The following PLXNA3 variants were observed in gnomAD, a reference collection of about 807,000 sequenced individuals.
PLXNA3 encodes plexin A3.
In PLXNA3, 52 loss-of-function variants were observed where a neutral mutation model predicts 118.8. That is an observed-to-expected ratio of 0.44 (90% CI 0.35 to 0.55). The LOEUF is 0.55. Ranked by LOEUF, PLXNA3 falls within the 20% of genes least tolerant of loss-of-function variation. PLXNA3 has a pLI of 0.01. For synonymous variants in PLXNA3, 925 were observed against 762.4 expected, an observed-to-expected ratio of 1.21 and a Z score of -3.51; for missense variants, 1,660 against 1,730.8, an observed-to-expected ratio of 0.96 and a Z score of 0.73.
rs369284415 is a variant in PLXNA3 at position 154,461,644 on chromosome X, C to T, written c.1134+6C>T. 6.8e-6 allele frequency: 8 copies of T among 1,172,424 alleles called. No homozygotes were observed. Among genetic ancestry groups the T allele is most frequent in the South Asian group, 1.9e-5 (1 of 52,941 alleles). Reference sequence around the variant, plus strand: ...AGCTGCCCTGCATCAACACCGTGAGCCCCTCATCACCCCACACTGGTCCTC... The same window carrying T: ...AGCTGCCCTGCATCAACACCGTGAGTCCCTCATCACCCCACACTGGTCCTC... On this transcript the variant is annotated splice_donor_region_variant and intron_variant, in intron 3 of 32. Transcript: ENST00000369682.
Position 154,465,027 on chromosome X carries a change from G to A in PLXNA3, c.2053G>A (p.Glu685Lys). 1 of 1,202,904 alleles carries A rather than the reference G, an allele frequency of 8.3e-7. No individual in the cohort carries two copies. Among genetic ancestry groups the A allele is most frequent in the Non-Finnish European group, 1.1e-6 (1 of 890,781 alleles). ...GGTGCTTTCCCCGCAGGGCTGCCCTGAGATCCTGCCCAGTGGGGACCTCCT... is the reference window on the plus strand; with the variant it reads ...GGTGCTTTCCCCGCAGGGCTGCCCTAAGATCCTGCCCAGTGGGGACCTCCT... ...GRVHSPEGCP[E>K]ILPSGDLLIP... The change falls in exon 11 of 33, where the codon GAG (glutamate) becomes AAG (lysine). Residue 685 changes from glutamate (E) to lysine (K), a missense_variant. Transcript: ENST00000369682.
intron 3 of PLXNA3, 140 bp downstream of exon 3, chrX:154,461,778 C>G: frequency 1.7e-6 from 1 of 593,999 alleles, no homozygotes; most frequent in Admixed American, 3.4e-5. Context: ...ACCTGTTTCT[C>G]CCTCCCAGGG....
chrX:154,470,935 A>G (rs1211024048), intron 30 of PLXNA3, 170 bp from the exon 31 acceptor site: 3 of 456,064 alleles, frequency 6.6e-6, no homozygotes, highest in Non-Finnish European at 1.1e-5. Context: ...CCTATTGAGA[A>G]CAGAAGTTCA....
Position 154,468,333 on chromosome X carries a change from C to T in PLXNA3, c.3994C>T (p.Leu1332Phe), listed in dbSNP as rs1440406968. 5.0e-6 allele frequency: 6 copies of T among 1,207,335 alleles called. No homozygotes were observed. In the Admixed American group the frequency reaches 1.3e-4, roughly 26 times the overall value. Residue 1332 changes from leucine to phenylalanine, a missense_variant, in exon 23 of 33, where the codon CTC becomes TTC. Coordinates refer to ENST00000369682, the MANE Select transcript of PLXNA3 (RefSeq NM_017514.5). Reference sequence around the variant, plus strand: ...ACCCAACGTGGAGAAGGCCCTGCGCCTCTTCGGGCAGCTGCTGCACAGCCG... The same window carrying T: ...ACCCAACGTGGAGAAGGCCCTGCGCTTCTTCGGGCAGCTGCTGCACAGCCG... ...TPPNVEKALRLFGQLLHSRAF... is the reference protein window; with the variant it reads ...TPPNVEKALRFFGQLLHSRAF...
chrX:154,465,783 C>G lies in PLXNA3; in HGVS notation c.2468C>G (p.Pro823Arg). 2 of 1,209,442 alleles carry G rather than the reference C, an allele frequency of 1.7e-6. No homozygotes were observed. The highest frequency in any genetic ancestry group is 3.5e-5 in the South Asian group (2 of 56,805). Reference sequence around the variant, plus strand: ...CAGCTGCGGACCCACTGCCCGGCCCCGAAGACCAACTGGATGCACCTGAGC... The same window carrying G: ...CAGCTGCGGACCCACTGCCCGGCCCGGAAGACCAACTGGATGCACCTGAGC... ...RCQLRTHCPAPKTNWMHLSQK... is the reference protein window; with the variant it reads ...RCQLRTHCPARKTNWMHLSQK... Residue 823 changes from proline to arginine, a missense_variant, in exon 13 of 33, where the codon CCG (proline) becomes CGG (arginine). Pro to Arg is a moderately radical substitution (Grantham distance 103, BLOSUM62 -2). Coordinates refer to ENST00000369682, the MANE Select transcript of PLXNA3 (RefSeq NM_017514.5).
Position 154,461,283 on chromosome X carries a change from C to G in PLXNA3, c.779C>G (p.Ser260Cys). ...LDTAGEKFFT[S>C]KIVRMCAGDS... ...ACAGCGGGCGAGAAATTTTTCACGT[C>G]CAAGATCGTGCGCATGTGCGCGGGA... Residue 260 changes from serine (S) to cysteine (C), a missense_variant, in exon 3 of 33, where the codon TCC becomes TGC. This residue lies in a region of PLXNA3 where 791 missense variants were observed against 652.1 expected (regional missense o/e 1.21). Transcript: ENST00000369682. 1 of 1,212,350 alleles carries G rather than the reference C, an allele frequency of 8.2e-7. No homozygotes were observed. Among genetic ancestry groups the G allele is most frequent in the Non-Finnish European group, 1.1e-6 (1 of 895,501 alleles).
In PLXNA3 at chrX:154,467,088, C is replaced by T. The variant is rs1387062753; in HGVS notation, c.3139C>T (p.His1047Tyr). Residue 1047 changes from histidine to tyrosine, a missense_variant, in exon 18 of 33, where the codon CAC becomes TAC. By Grantham distance (83) the His-to-Tyr change is moderately conservative (BLOSUM62 2). Coordinates refer to ENST00000369682, the MANE Select transcript of PLXNA3 (RefSeq NM_017514.5). ...GSTAITVSGT[H>Y]LLTVQEPRVR... ...CACTGCCATCACTGTGAGTGGGACC[C>T]ACCTGCTGACGGTCCAGGAGCCCCG... The T allele has an allele frequency of 4.1e-6, 5 of 1,208,643 alleles. No homozygotes were observed. Among genetic ancestry groups the T allele is most frequent in the Non-Finnish European group, 5.6e-6 (5 of 894,515 alleles).
chrX:154,467,301 C>T lies in PLXNA3; in HGVS notation c.3271C>T (p.Pro1091Ser), dbSNP rs1557207517. 7 of 1,207,232 alleles carry T rather than the reference C, an allele frequency of 5.8e-6. No individual in the cohort carries two copies. The highest frequency in any genetic ancestry group is 7.8e-6 in the Non-Finnish European group (7 of 895,121). Residue 1091 changes from proline (P) to serine (S), a missense_variant, in exon 19 of 33, where the codon CCT becomes TCT. Coordinates refer to ENST00000369682, the MANE Select transcript of PLXNA3 (RefSeq NM_017514.5). ...APGIFLGRPQ[P>S]RAQGEHPDEF... ...CGGCATCTTTCTTGGGCGGCCCCAG[C>T]CTCGGGCGCAAGGCGAGCACCCTGA... is the stretch of plus-strand genomic sequence containing the variant.
intron 4 of PLXNA3, 116 bp from the exon 5 acceptor site, chrX:154,463,275 G>A (rs1557205436): frequency 9.4e-7 from 1 of 1,063,254 alleles, no homozygotes; most frequent in Non-Finnish European, 1.3e-6. Flanking sequence ...TGTGAGTGCT[G>A]AACCCCACCA....
At chrX:154,462,647 G>A (rs1435054305) in intron 4 of PLXNA3, among the ~76,000 whole-genome samples, 1 of 111,940 alleles carries the variant, frequency 8.9e-6, no homozygotes, top group East Asian at 2.8e-4. Context: ...GAATGAACAA[G>A]GGAGCAAATG....
Position 154,469,741 on chromosome X carries a change from C to T in PLXNA3, c.4752C>T (p.Asn1584=). Residue 1584 remains asparagine (N), a synonymous_variant, in exon 28 of 33, where the codon AAC becomes AAT. Coordinates refer to ENST00000369682, the MANE Select transcript of PLXNA3 (RefSeq NM_017514.5). ...TGCCCAAACAAGTGTCTGCCTATAA[C>T]ATGGCCAACTCCTTCACCTTCACCC... ...ALVPKQVSAY[N]MANSFTFTRS... The T allele has an allele frequency of 3.3e-6, 4 of 1,211,113 alleles. No homozygotes were observed. The highest frequency in any genetic ancestry group is 4.5e-6 in the Non-Finnish European group (4 of 894,615).
At position 154,461,313 on chromosome X, in the gene PLXNA3, C is replaced by T; in HGVS notation, c.809C>T (p.Ser270Leu). 2 of 1,212,381 alleles carry T rather than the reference C, an allele frequency of 1.6e-6. No homozygotes were observed. The highest frequency in any genetic ancestry group is 2.2e-6 in the Non-Finnish European group (2 of 895,543). Residue 270 changes from serine to leucine, a missense_variant, in exon 3 of 33, where the codon TCA becomes TTA. Transcript: ENST00000369682. ...ATCGTGCGCATGTGCGCGGGAGACT[C>T]AGAGTTCTACTCATACGTGGAATTC... ...SKIVRMCAGDSEFYSYVEFPI... is the reference protein window; with the variant it reads ...SKIVRMCAGDLEFYSYVEFPI...
intron 24 of PLXNA3, 31 bp from the exon 25 acceptor site, chrX:154,468,792 C>T (rs782747901): frequency 8.3e-7 from 1 of 1,211,269 alleles, no homozygotes; most frequent in Non-Finnish European, 1.1e-6. Context: ...GTCAGGCAGG[C>T]AGCCAGCTGT....
At position 154,473,650 on chromosome X, in the gene PLXNA3, G is replaced by T. The variant is rs938715450; in HGVS notation, c.*965G>T. On this transcript the variant is annotated 3_prime_UTR_variant, in exon 33 of 33. Coordinates refer to ENST00000369682, the MANE Select transcript of PLXNA3 (RefSeq NM_017514.5). ...AATGTTGGGGAAATGCCATCCATGT[G>T]GGGCTCTGTCCTTGGGGCAGGTCAG... 1.8e-5 allele frequency: 2 copies of T among 112,529 alleles called. No individual in the cohort carries two copies. The highest frequency in any genetic ancestry group is 1.9e-4 in the Admixed American group (2 of 10,673). The allele number at this position is 112,529 out of a possible 1,213,427, so 9.3% of individuals were successfully genotyped here.
Position 154,460,459 on chromosome X carries a change from C to A in PLXNA3, c.276C>A (p.Pro92=), listed in dbSNP as rs150500748. The A allele has an allele frequency of 8.3e-7, 1 of 1,204,884 alleles. No individual in the cohort carries two copies. The highest frequency in any genetic ancestry group is 2.2e-5 in the Admixed American group (1 of 45,785). The part of the protein sequence containing the change: ...SMRVCAHRLA[P]VDNINKLLLI... Reference sequence around the variant, plus strand: ...GCGTGTGTGCCCACCGCCTGGCCCCCGTGGACAACATCAACAAGCTGCTGC... The same window carrying A: ...GCGTGTGTGCCCACCGCCTGGCCCCAGTGGACAACATCAACAAGCTGCTGC... Residue 92 remains proline, a synonymous_variant, in exon 2 of 33, where the codon CCC becomes CCA. Coordinates refer to ENST00000369682, the MANE Select transcript of PLXNA3 (RefSeq NM_017514.5).
At chrX:154,459,594 C>T (rs1338381657) in intron 1 of PLXNA3, among the ~76,000 whole-genome samples, 18 of 112,424 alleles carry the variant, frequency 1.6e-4, no homozygotes, top group South Asian at 7.3e-4. Context: ...GGCCAGACAG[C>T]GGGCTCCTGG....
chrX:154,464,170 T>C lies in PLXNA3; in HGVS notation c.1685T>C (p.Leu562Pro). 8.3e-7 allele frequency: 1 copy of C among 1,209,235 alleles called. No homozygotes were observed. The highest frequency in any genetic ancestry group is 1.1e-6 in the Non-Finnish European group (1 of 894,366). Residue 562 changes from leucine (L) to proline (P), a missense_variant, in exon 8 of 33, where the codon CTG becomes CCG. Physicochemically the swap from Leu to Pro is moderately conservative, Grantham distance 98. Coordinates refer to ENST00000369682, the MANE Select transcript of PLXNA3 (RefSeq NM_017514.5). ...TGCTTCCCCCAGCTGACCGTCACCC[T>C]GCACAACGTGCCAGACCTCAGTGCG... ...TSPGVQLTVT[L>P]HNVPDLSAGV...
chrX:154,466,823 C>T (rs782492244), intron 17 of PLXNA3, 30 bp downstream of exon 17: 2 of 1,132,721 alleles, frequency 1.8e-6, no homozygotes, highest in South Asian at 2.1e-5. Context: ...GGGAGCCTGG[C>T]AGTGTCCAGA....
rs994947998 is a variant in PLXNA3, at chrX:154,476,405, C to G, written c.*3720C>G. ...CCGGGAAGTGGAGGTTGCGGTGAGC[C>G]AAGATCGCACCATTGCACTCCAGCC... On this transcript the variant is annotated 3_prime_UTR_variant, in exon 33 of 33. Coordinates refer to ENST00000369682, the MANE Select transcript of PLXNA3 (RefSeq NM_017514.5). 4.1e-5 allele frequency: 4 copies of G among 96,706 alleles called. No homozygotes were observed. Among genetic ancestry groups the G allele is most frequent in the Non-Finnish European group, 8.1e-5 (4 of 49,427 alleles). 8.0% of individuals were successfully genotyped at this position (96,706 alleles called of 1,213,427 possible).
Sources: gnomAD v4.1 joint callset for allele counts (sites outside exome capture counted in the v4.1 genomes callset) on GRCh38, gnomAD v4.1.1 for gene constraint, gnomAD v4.1.1 regional missense constraint, MANE v1.5 for transcripts, NCBI Gene and HGNC (gene_info 2026-07-23, HGNC 2026-07-21) for gene names.